Variants in RBM44 observed in about 807,000 individuals in gnomAD.
RBM44 encodes the protein RNA binding motif protein 44, also known as RNA-binding protein 44.
Under a neutral mutation model 105.1 loss-of-function variants are expected in RBM44, and 66 were observed. The ratio of observed to expected loss-of-function variants is 0.63; its 90% CI spans 0.52 to 0.77. RBM44 has a LOEUF of 0.77. Among genes scored for constraint, RBM44 ranks in the 30% least tolerant of loss-of-function variants. RBM44 has a pLI of 0.00. For synonymous variants in RBM44, 365 were observed against 417.6 expected, an observed-to-expected ratio of 0.87 and a Z score of 1.54; for missense variants, 1,122 against 1,207.8, an observed-to-expected ratio of 0.93 and a Z score of 1.05.
chr2:237,822,297 A>G (rs1022084937), intron 8 of RBM44, among the ~76,000 whole-genome samples: 1 of 152,106 alleles, frequency 6.6e-6, no homozygotes, highest in African/African-American at 2.4e-5. Flanking sequence ...AATGCCTGTC[A>G]TAGGTTTTCT....
intron 15 of RBM44, among the ~76,000 whole-genome samples, chr2:237,838,777 G>A (rs1032699730): frequency 6.6e-6 from 1 of 152,176 alleles, no homozygotes; most frequent in African/African-American, 2.4e-5. Flanking sequence ...GGTACATAAG[G>A]TAAAGTCTGG....
Position 237,819,020 on chromosome 2 carries a change from T to C in RBM44, c.1736+61T>C, listed in dbSNP as rs1051518361. ...AAGAAAAAATCAAAATAGTATTTGC[T>C]TTCTGTATAGCATACTTACCCATAT... On this transcript the variant is annotated intron_variant, in intron 4 of 15. Transcript: ENST00000316997. The C allele has an allele frequency of 4.7e-6, 4 of 851,014 alleles. No individual in the cohort carries two copies. In the Admixed American group the frequency reaches 1.0e-4, roughly 22 times the overall value. 52.7% of individuals were successfully genotyped at this position (851,014 alleles called of 1,614,324 possible). A position where few individuals can be genotyped will look rare whatever the true frequency, so the allele number is the denominator to read the frequency against.
intron 15 of RBM44, among the ~76,000 whole-genome samples, chr2:237,837,107 C>T (rs2061967862): frequency 6.6e-6 from 1 of 152,154 alleles, no homozygotes; most frequent in Admixed American, 6.5e-5. Context: ...TTAAGCTCAC[C>T]ATTGAGACCT....
In RBM44 at chr2:237,831,212, T is replaced by C. The variant is rs563725656; in HGVS notation, c.2886+1710T>C. 1.6e-4 allele frequency among the ~76,000 whole-genome samples: 23 copies of C among 140,618 alleles called. No individual in the cohort carries two copies. The South Asian group carries it at 5.9e-3, about 36-fold the overall frequency. The allele number at this position is 140,618 out of a possible 152,430, so 92.3% of individuals were successfully genotyped here. A position where few individuals can be genotyped will look rare whatever the true frequency, so the allele number is the denominator to read the frequency against. On this transcript the variant is annotated intron_variant, in intron 13 of 15. Coordinates refer to ENST00000316997, the MANE Select transcript of RBM44 (RefSeq NM_001080504.3). ...ATTTTCACTTGACTTTGCATTCCTT[T>C]AACTTTACCATCCTTATTTGTCCTT...
In RBM44 at chr2:237,841,051, C is replaced by G. The variant is rs2062007505; in HGVS notation, c.*23-788C>G. 6.6e-6 allele frequency among the ~76,000 whole-genome samples: 1 copy of G among 152,198 alleles called. No homozygotes were observed. Among genetic ancestry groups the G allele is most frequent in the African/African-American group, 2.4e-5 (1 of 41,466 alleles). ...CTTAAAACAGAACTACCATTCGGGC[C>G]AGCAATCCCATTGTTGAGTATATGC... On this transcript the variant is annotated intron_variant, in intron 15 of 15. Coordinates refer to ENST00000316997, the MANE Select transcript of RBM44 (RefSeq NM_001080504.3). This position sits in a 1 kb window ranked among gnomAD's most constrained non-coding sequence, Gnocchi z 4.5.
At chr2:237,828,200 G>T (rs182586517) in intron 12 of RBM44, among the ~76,000 whole-genome samples, 1 of 152,088 alleles carries the variant, frequency 6.6e-6, no homozygotes, top group Non-Finnish European at 1.5e-5. Context: ...AATGGCGATA[G>T]CTTAATGGAA....
intron 13 of RBM44, among the ~76,000 whole-genome samples, chr2:237,831,251 G>T (rs1252239240): frequency 2.9e-5 from 4 of 136,326 alleles, no homozygotes; most frequent in Admixed American, 2.2e-4. Context: ...TTTGGGGGGG[G>T]GGGGGTTTGT....
In RBM44 at chr2:237,818,222, A is replaced by T; in HGVS notation, c.1303A>T (p.Ser435Cys). 1 of 1,613,288 alleles carries T rather than the reference A, an allele frequency of 6.2e-7. No homozygotes were observed. Among genetic ancestry groups the T allele is most frequent in the African/African-American group, 1.3e-5 (1 of 75,010 alleles). The change falls in exon 3 of 16, where the codon AGC (serine) becomes TGC (cysteine). Residue 435 changes from serine to cysteine, a missense_variant. Around this residue, in one of 3 missense-constraint regions of RBM44, gnomAD observed 918 missense variants for 955.3 expected, o/e 0.96. Transcript: ENST00000316997. The surrounding 1 kb of genome is among the most constrained non-coding windows in gnomAD (Gnocchi z 4.6). ...EDNTSLKVAH[S>C]STTKKTCFHN... ...TAATACGTCCCTAAAAGTTGCTCAT[A>T]GCAGTACCACAAAGAAAACATGCTT...
chr2:237,805,586 A>G (rs923051913), intron 1 of RBM44, among the ~76,000 whole-genome samples: 1 of 152,250 alleles, frequency 6.6e-6, no homozygotes, highest in East Asian at 1.9e-4. Context: ...CTGTCTAGTC[A>G]TTAGTCATAT....
rs1255785700 is a variant in RBM44, at chr2:237,818,277, C to T, written c.1358C>T (p.Ser453Leu). ...AATATAGGAGAAATGTGTACTAAAT[C>T]ATTGACAGATGCAGCAAGTTGTACA... ...FHNIGEMCTK[S>L]LTDAASCTVT... Residue 453 changes from serine to leucine, a missense_variant, in exon 3 of 16, where the codon TCA becomes TTA. By Grantham distance (145) the Ser-to-Leu change is moderately radical. Coordinates refer to ENST00000316997, the MANE Select transcript of RBM44 (RefSeq NM_001080504.3). This position sits in a 1 kb window ranked among gnomAD's most constrained non-coding sequence, Gnocchi z 4.6. The T allele has an allele frequency of 6.2e-7, 1 of 1,613,218 alleles. No individual in the cohort carries two copies. The highest frequency in any genetic ancestry group is 1.3e-5 in the African/African-American group (1 of 75,012).
chr2:237,830,540 C>A (rs1464449396), intron 13 of RBM44, among the ~76,000 whole-genome samples: 6 of 152,102 alleles, frequency 3.9e-5, no homozygotes, highest in Admixed American at 3.9e-4. Context: ...AATCCAAGGT[C>A]ACAGAGATTT....
In RBM44 at chr2:237,818,151, C is replaced by T. The variant is rs1302423817; in HGVS notation, c.1232C>T (p.Ala411Val). 1.2e-6 allele frequency: 2 copies of T among 1,612,986 alleles called. No homozygotes were observed. The highest frequency in any genetic ancestry group is 1.7e-6 in the Non-Finnish European group (2 of 1,179,398). The change falls in exon 3 of 16, where the codon GCT (alanine) becomes GTT (valine). Residue 411 changes from alanine (A) to valine (V), a missense_variant. By Grantham distance (64) the Ala-to-Val change is moderately conservative. Coordinates refer to ENST00000316997, the MANE Select transcript of RBM44 (RefSeq NM_001080504.3). The surrounding 1 kb of genome is among the most constrained non-coding windows in gnomAD (Gnocchi z 4.6). ...NTADSALDFS[A>V]MLPKIAVRDN... ...GCTGACTCAGCCTTAGATTTTTCTG[C>T]TATGCTACCAAAGATCGCAGTCAGA...
intron 1 of RBM44, among the ~76,000 whole-genome samples, chr2:237,806,119 G>C (rs1291942807): frequency 2.9e-4 from 44 of 152,154 alleles, no homozygotes; most frequent in Admixed American, 2.9e-3. Context: ...TGGTTTTCAA[G>C]GAAGTTTGTC....
chr2:237,811,932 G>A (rs1196977747), intron 1 of RBM44, among the ~76,000 whole-genome samples: 1 of 152,160 alleles, frequency 6.6e-6, no homozygotes, highest in East Asian at 1.9e-4. Flanking sequence ...TCAGCTCACT[G>A]CAACCTCCAT....
chr2:237,802,015 C>T (rs1400494626), intron 1 of RBM44, among the ~76,000 whole-genome samples: 6 of 152,106 alleles, frequency 3.9e-5, no homozygotes, highest in Non-Finnish European at 7.4e-5. Flanking sequence ...TTAAAAACAA[C>T]TAGCAGTTTG....
chr2:237,841,609 T>G lies in RBM44; in HGVS notation c.*23-230T>G, dbSNP rs2150994900. ...AATAAAATATCTGATTTTTCTTTAT[T>G]AAAATGAAATAAAATGAGAGGCATG... On this transcript the variant is annotated intron_variant, in intron 15 of 15. Transcript: ENST00000316997. This position sits in a 1 kb window ranked among gnomAD's most constrained non-coding sequence, Gnocchi z 4.5. Among the ~76,000 whole-genome samples the G allele has an allele frequency of 6.8e-6, 1 of 147,928 alleles. No homozygotes were observed. Among genetic ancestry groups the G allele is most frequent in the East Asian group, 2.0e-4 (1 of 4,962 alleles).
At chr2:237,837,293 T>C (rs2061969746) in intron 15 of RBM44, among the ~76,000 whole-genome samples, 1 of 152,176 alleles carries the variant, frequency 6.6e-6, no homozygotes, top group African/African-American at 2.4e-5. Flanking sequence ...GACTCAAGTC[T>C]TAAATATTTA....
chr2:237,836,158 G>A (rs1404479279), intron 15 of RBM44, among the ~76,000 whole-genome samples: 1 of 152,156 alleles, frequency 6.6e-6, no homozygotes, highest in East Asian at 1.9e-4. Context: ...TAATGCAGCT[G>A]TTGACTTTAA....
rs748433474 is a variant in RBM44, at chr2:237,803,321, ACTCT to A, written c.-19+4468_-19+4471del. ...GAGCGAGACACACACACACACACAT[ACTCT>A]CTCTCTCACACACACACACATACTT... On this transcript the variant is annotated intron_variant, in intron 1 of 15. Coordinates refer to ENST00000316997, the MANE Select transcript of RBM44 (RefSeq NM_001080504.3). This position sits in a 1 kb window ranked among gnomAD's most constrained non-coding sequence, Gnocchi z 4.2. Among the ~76,000 whole-genome samples the A allele has an allele frequency of 1.3e-4, 20 of 150,304 alleles. No homozygotes were observed. The highest frequency in any genetic ancestry group is 2.7e-4 in the African/African-American group (11 of 40,372).
Sources: allele counts gnomAD v4.1 joint callset (sites outside exome capture counted in the v4.1 genomes callset), GRCh38; gene constraint gnomAD v4.1.1; regional missense constraint gnomAD v4.1.1; non-coding constraint Gnocchi (gnomAD v3.1); transcripts MANE v1.5; gene names NCBI Gene and HGNC (gene_info 2026-07-23, HGNC 2026-07-21).